Variants in ADAMTS16 observed in about 807,000 individuals in gnomAD.
ADAMTS16 encodes A disintegrin and metalloproteinase with thrombospondin motifs 16.
Under a neutral mutation model 145.8 loss-of-function variants are expected in ADAMTS16, and 94 were observed. That is an observed-to-expected ratio of 0.64 (90% confidence interval 0.55 to 0.77). ADAMTS16 has a LOEUF of 0.77. ADAMTS16 is among the 30% of genes least tolerant of loss of function. ADAMTS16 has a pLI of 0.00. For missense variants in ADAMTS16, 1,585 were observed against 1,591.5 expected, an observed-to-expected ratio of 1.00 and a Z score of 0.07; for synonymous variants, 659 against 604.3, an observed-to-expected ratio of 1.09 and a Z score of -1.33.
chr5:5,206,689 C>T (rs771228090), intron 9 of ADAMTS16, among the ~76,000 whole-genome samples: 14 of 151,996 alleles, frequency 9.2e-5, no homozygotes, highest in Non-Finnish European at 1.8e-4. Flanking sequence ...ATCATGTTAG[C>T]CAGGCTGGTC....
chr5:5,317,995 C>T lies in ADAMTS16; in HGVS notation c.3412-139C>T. ...TCGCGCACATCGTGGCCAACCATAA[C>T]TCCACCTGCCTCTGCGACTAAGTCG... On this transcript the variant is annotated intron_variant, in intron 21 of 22. Transcript: ENST00000274181. This position sits in a 1 kb window ranked among gnomAD's most constrained non-coding sequence, Gnocchi z 4.5. 1.0e-6 allele frequency: 1 copy of T among 996,036 alleles called. No individual in the cohort carries two copies. The highest frequency in any genetic ancestry group is 1.3e-6 in the Non-Finnish European group (1 of 752,718). The allele number at this position is 996,036 out of a possible 1,614,324, so 61.7% of individuals were successfully genotyped here.
At chr5:5,220,064 T>C (rs1455456576) in intron 10 of ADAMTS16, among the ~76,000 whole-genome samples, 2 of 152,070 alleles carry the variant, frequency 1.3e-5, no homozygotes, top group Admixed American at 6.5e-5. Context: ...AGCAAATGAC[T>C]ACATGTTCCA....
At chr5:5,277,830 A>T (rs1738760846) in intron 18 of ADAMTS16, among the ~76,000 whole-genome samples, 1 of 152,098 alleles carries the variant, frequency 6.6e-6, no homozygotes. Context: ...ATAATTTTAA[A>T]AATTAGCCAG....
At chr5:5,245,820 T>C (rs1402990368) in intron 17 of ADAMTS16, among the ~76,000 whole-genome samples, 5 of 152,350 alleles carry the variant, frequency 3.3e-5, no homozygotes, top group East Asian at 1.9e-4. Flanking sequence ...TATCTCCCTT[T>C]TGACAGCTTC....
intron 18 of ADAMTS16, among the ~76,000 whole-genome samples, chr5:5,265,163 G>A (rs182634669): frequency 2.6e-5 from 4 of 152,330 alleles, no homozygotes; most frequent in Admixed American, 1.3e-4. Flanking sequence ...CTTCCTGTCC[G>A]AAGGAAATGG....
chr5:5,236,534 C>T (rs973704368), intron 13 of ADAMTS16, among the ~76,000 whole-genome samples: 15 of 151,938 alleles, frequency 9.9e-5, no homozygotes, highest in East Asian at 9.7e-4. Flanking sequence ...TTACCAAATG[C>T]GTTAAGAAAT....
chr5:5,193,138 AGTGT>A lies in ADAMTS16; in HGVS notation c.1313+1370_1313+1373del, dbSNP rs146798284. Among the ~76,000 whole-genome samples the A allele has an allele frequency of 9.1e-4, 137 of 150,692 alleles. 1 individual carries two copies. The highest frequency in any genetic ancestry group is 3.3e-3 in the East Asian group (17 of 5,104). On this transcript the variant is annotated intron_variant, in intron 8 of 22. Transcript: ENST00000274181. ...CTGAGGCCTCAGACTTGTTCAAAGC[AGTGT>A]GTGTGTGTGTGTGTGTGTGTGCGCG... is the stretch of plus-strand genomic sequence containing the variant.
At chr5:5,200,291 C>A in intron 9 of ADAMTS16, 22 bp downstream of exon 9, 1 of 1,613,086 alleles carries the variant, frequency 6.2e-7, no homozygotes, top group East Asian at 2.2e-5. Flanking sequence ...TTAAGCTGGT[C>A]TTGTGATCTT....
At chr5:5,173,506 C>T (rs1354351957) in intron 3 of ADAMTS16, among the ~76,000 whole-genome samples, 1 of 151,620 alleles carries the variant, frequency 6.6e-6, no homozygotes, top group Admixed American at 6.6e-5. Context: ...CGGAGTCTCA[C>T]TCTGTCCCCC....
At chr5:5,167,435 T>G (rs1734912875) in intron 3 of ADAMTS16, among the ~76,000 whole-genome samples, 1 of 152,226 alleles carries the variant, frequency 6.6e-6, no homozygotes, top group South Asian at 2.1e-4. Flanking sequence ...GCTTCAATAT[T>G]TCTCTTTGTG....
chr5:5,252,849 A>G (rs1737670739), intron 17 of ADAMTS16, among the ~76,000 whole-genome samples: 1 of 152,096 alleles, frequency 6.6e-6, no homozygotes, highest in South Asian at 2.1e-4. Context: ...CCTTCTCTCA[A>G]GGGTCCCCTG....
chr5:5,201,975 T>C (rs543022092), intron 9 of ADAMTS16, among the ~76,000 whole-genome samples: 1 of 152,284 alleles, frequency 6.6e-6, no homozygotes, highest in East Asian at 1.9e-4. Context: ...TTTTTTTCTG[T>C]TGCACAAATT....
At chr5:5,254,262 A>C (rs1267380527) in intron 17 of ADAMTS16, among the ~76,000 whole-genome samples, 1 of 151,982 alleles carries the variant, frequency 6.6e-6, no homozygotes, top group Non-Finnish European at 1.5e-5. Context: ...CTTAACACCT[A>C]TTCTCTTGAG....
At chr5:5,315,671 T>A (rs550878611) in intron 21 of ADAMTS16, among the ~76,000 whole-genome samples, 1 of 152,264 alleles carries the variant, frequency 6.6e-6, no homozygotes, top group South Asian at 2.1e-4. Flanking sequence ...CTGTGTGAGC[T>A]AAGAGGGTGT....
At chr5:5,181,572 A>T (rs142346658) in intron 3 of ADAMTS16, among the ~76,000 whole-genome samples, 69 of 152,332 alleles carry the variant, frequency 4.5e-4, no homozygotes, top group African/African-American at 1.6e-3. Context: ...CCTTTTCTAG[A>T]AAGTGTTACA....
intron 10 of ADAMTS16, among the ~76,000 whole-genome samples, chr5:5,216,157 A>G (rs13185530): frequency 3.0e-3 from 458 of 152,168 alleles, no homozygotes; most frequent in Middle Eastern, 0.027. Flanking sequence ...CATTCCCACC[A>G]GCAGTGTAGA....
chr5:5,234,036 T>C (rs1466261174), intron 12 of ADAMTS16, among the ~76,000 whole-genome samples: 2 of 152,248 alleles, frequency 1.3e-5, no homozygotes, highest in East Asian at 3.8e-4. Flanking sequence ...GTAGCCATTC[T>C]GACTGGTGTT....
chr5:5,193,162 T>TGTGTGTGTGTGC (rs1383577452), intron 8 of ADAMTS16, among the ~76,000 whole-genome samples: 3 of 106,972 alleles, frequency 2.8e-5, no homozygotes, highest in African/African-American at 9.3e-5. Context: ...TGTGTGTGTG[T>TGTGTGTGTGTGC]GCGCGCGCGC....
chr5:5,232,893 GC>G (rs1411937474), intron 12 of ADAMTS16, among the ~76,000 whole-genome samples: 1 of 151,986 alleles, frequency 6.6e-6, no homozygotes, highest in Non-Finnish European at 1.5e-5. Context: ...ATGAGCCATC[GC>G]GCCCGGCCTC....
Sources: allele counts gnomAD v4.1 joint callset (sites outside exome capture counted in the v4.1 genomes callset), GRCh38; gene constraint gnomAD v4.1.1; non-coding constraint Gnocchi (gnomAD v3.1); transcripts MANE v1.5; gene names NCBI Gene and HGNC (gene_info 2026-07-23, HGNC 2026-07-21).